Variants in UBE2E2 observed in about 807,000 individuals in gnomAD.
UBE2E2 encodes ubiquitin conjugating enzyme E2 E2, also known as ubiquitin-conjugating enzyme E2 E2.
In UBE2E2, 6 loss-of-function variants were observed where a neutral mutation model predicts 24.7. The observed-to-expected ratio is 0.24, with a 90% CI of 0.13 to 0.48. The LOEUF is 0.48. Among genes scored for constraint, UBE2E2 ranks in the 20% least tolerant of loss-of-function variants. The pLI is 0.99. For missense variants in UBE2E2, 169 were observed against 245.0 expected, an observed-to-expected ratio of 0.69 and a Z score of 2.07; for synonymous variants, 104 against 83.6, an observed-to-expected ratio of 1.24 and a Z score of -1.33.
intron 4 of UBE2E2, among the ~76,000 whole-genome samples, chr3:23,531,335 C>T (rs1559413161): frequency 6.6e-6 from 1 of 152,188 alleles, no homozygotes; most frequent in Non-Finnish European, 1.5e-5. Context: ...TTGTATATTT[C>T]AACTTAAAAT....
chr3:23,209,883 G>T (rs1696271662), intron 2 of UBE2E2, among the ~76,000 whole-genome samples: 1 of 152,104 alleles, frequency 6.6e-6, no homozygotes, highest in South Asian at 2.1e-4. Context: ...TCCCTTTCGT[G>T]GGGGTGTATT....
At chr3:23,332,698 T>G in intron 3 of UBE2E2, among the ~76,000 whole-genome samples, 1 of 150,748 alleles carries the variant, frequency 6.6e-6, no homozygotes, top group South Asian at 2.1e-4. Context: ...TGTGTGTGTG[T>G]GTGTGTGTGT....
chr3:23,272,431 C>T (rs899465889), intron 3 of UBE2E2, among the ~76,000 whole-genome samples: 11 of 152,136 alleles, frequency 7.2e-5, no homozygotes, highest in African/African-American at 2.4e-4. Flanking sequence ...CCATACTTGG[C>T]CAGCCCAGAG....
At chr3:23,291,926 T>G (rs909346960) in intron 3 of UBE2E2, among the ~76,000 whole-genome samples, 19 of 139,460 alleles carry the variant, frequency 1.4e-4, no homozygotes, top group Non-Finnish European at 2.6e-4. Flanking sequence ...TGGCACGATC[T>G]CGGCTCACTG....
At chr3:23,269,413 C>T (rs1185582501) in intron 3 of UBE2E2, among the ~76,000 whole-genome samples, 2 of 152,110 alleles carry the variant, frequency 1.3e-5, no homozygotes, top group Non-Finnish European at 2.9e-5. Flanking sequence ...ACTCCAAAGG[C>T]TTTTGGGGCT....
rs574939747 is a variant in UBE2E2 at position 23,233,389 on chromosome 3, G to A, written c.227+16077G>A. Reference sequence around the variant, plus strand: ...ATGGTCCTACTTTGCAAACCCCTGAGATCTGAAGTGGGTGGAATAGAATAG... The same window carrying A: ...ATGGTCCTACTTTGCAAACCCCTGAAATCTGAAGTGGGTGGAATAGAATAG... On this transcript the variant is annotated intron_variant, in intron 3 of 5. Coordinates refer to ENST00000396703, the MANE Select transcript of UBE2E2 (RefSeq NM_152653.4). 4.6e-5 allele frequency among the ~76,000 whole-genome samples: 7 copies of A among 152,284 alleles called. No homozygotes were observed. The South Asian group carries it at 1.5e-3, about 32-fold the overall frequency.
intron 3 of UBE2E2, among the ~76,000 whole-genome samples, chr3:23,344,489 A>G (rs904646805): frequency 3.3e-5 from 5 of 152,040 alleles, no homozygotes; most frequent in Admixed American, 3.3e-4. Context: ...ACGTGAGTAT[A>G]ATTACTTCCA....
intron 3 of UBE2E2, among the ~76,000 whole-genome samples, chr3:23,263,842 T>G (rs1697967170): frequency 6.6e-6 from 1 of 152,174 alleles, no homozygotes; most frequent in Non-Finnish European, 1.5e-5. Context: ...ATGTTTATTA[T>G]TTTAAAATTT....
chr3:23,343,208 A>T (rs1248321556), intron 3 of UBE2E2, among the ~76,000 whole-genome samples: 1 of 152,120 alleles, frequency 6.6e-6, no homozygotes, highest in Non-Finnish European at 1.5e-5. Flanking sequence ...GTGACATGGA[A>T]AGGTACTTAG....
chr3:23,474,936 A>G lies in UBE2E2; in HGVS notation c.228-24672A>G, dbSNP rs1699095340. Among the ~76,000 whole-genome samples, 1 of 151,966 alleles carries G rather than the reference A, an allele frequency of 6.6e-6. No homozygotes were observed. Among genetic ancestry groups the G allele is most frequent in the Admixed American group, 6.5e-5 (1 of 15,270 alleles). Reference sequence around the variant, plus strand: ...TAATTTTTTTATTTCTTAACCCACAACCGATGACAAGCATTTCACTCAAAT... The same window carrying G: ...TAATTTTTTTATTTCTTAACCCACAGCCGATGACAAGCATTTCACTCAAAT... On this transcript the variant is annotated intron_variant, in intron 3 of 5. Transcript: ENST00000396703. The surrounding 1 kb of genome is among the most constrained non-coding windows in gnomAD (Gnocchi z 4.0).
chr3:23,408,846 C>T (rs1354442226), intron 3 of UBE2E2, among the ~76,000 whole-genome samples: 2 of 151,958 alleles, frequency 1.3e-5, no homozygotes, highest in Admixed American at 6.6e-5. Context: ...GTTCTTTTGC[C>T]TTACCTTGAT....
At chr3:23,404,638 T>C (rs1213498013) in intron 3 of UBE2E2, among the ~76,000 whole-genome samples, 1 of 152,200 alleles carries the variant, frequency 6.6e-6, no homozygotes, top group Admixed American at 6.6e-5. Context: ...ATGAGTTTGT[T>C]TATAGCAACA....
At chr3:23,440,100 C>G (rs192295439) in intron 3 of UBE2E2, among the ~76,000 whole-genome samples, 4 of 152,052 alleles carry the variant, frequency 2.6e-5, no homozygotes, top group Non-Finnish European at 2.9e-5. Flanking sequence ...ATGGTGAAAC[C>G]CCATCTCTAC....
intron 3 of UBE2E2, among the ~76,000 whole-genome samples, chr3:23,401,005 G>A (rs1209985249): frequency 6.6e-6 from 1 of 152,178 alleles, no homozygotes; most frequent in East Asian, 1.9e-4. Context: ...AATTAAAATG[G>A]AATTCTGCTA....
At chr3:23,394,625 C>T (rs140149593) in intron 3 of UBE2E2, among the ~76,000 whole-genome samples, 3 of 152,242 alleles carry the variant, frequency 2.0e-5, no homozygotes, top group African/African-American at 7.2e-5. Flanking sequence ...CAACTCTGTC[C>T]CTACCGTTAA....
At chr3:23,452,083 G>C (rs1345866825) in intron 3 of UBE2E2, among the ~76,000 whole-genome samples, 8 of 152,164 alleles carry the variant, frequency 5.3e-5, no homozygotes, top group African/African-American at 1.9e-4. Context: ...GCTTTGGAGA[G>C]TATTTCTTTG....
At chr3:23,270,381 C>T (rs1218856644) in intron 3 of UBE2E2, among the ~76,000 whole-genome samples, 3 of 152,036 alleles carry the variant, frequency 2.0e-5, no homozygotes, top group Admixed American at 6.6e-5. Context: ...TGTCTTTTGC[C>T]GTTCCTGCAC....
chr3:23,540,567 G>C (rs1695374459), intron 5 of UBE2E2, among the ~76,000 whole-genome samples: 1 of 152,122 alleles, frequency 6.6e-6, no homozygotes, highest in Non-Finnish European at 1.5e-5. Flanking sequence ...ACCACGCCCA[G>C]CTAATTTTTG....
intron 4 of UBE2E2, among the ~76,000 whole-genome samples, chr3:23,527,411 C>T (rs1313902892): frequency 6.6e-5 from 10 of 152,220 alleles, no homozygotes; most frequent in Admixed American, 3.9e-4. Flanking sequence ...AACAACCCTG[C>T]GATATTGTGA....
Sources: gnomAD v4.1 joint callset for allele counts (sites outside exome capture counted in the v4.1 genomes callset) on GRCh38, gnomAD v4.1.1 for gene constraint, Gnocchi (gnomAD v3.1) non-coding constraint, MANE v1.5 for transcripts, NCBI Gene and HGNC (gene_info 2026-07-23, HGNC 2026-07-21) for gene names.